ADGRB3: variants seen among roughly 807,000 people sequenced by gnomAD.
ADGRB3 encodes the protein brain-specific angiogenesis inhibitor 3.
ADGRB3 carries 37 observed loss-of-function variants against 193.4 expected under a neutral mutation model. That is an observed-to-expected ratio of 0.19 (90% CI 0.15 to 0.25). The LOEUF (loss-of-function observed/expected upper bound fraction) is 0.25, where lower values mean the gene tolerates loss of function less well. ADGRB3 is among the 10% of genes least tolerant of loss of function. The probability of loss-of-function intolerance (pLI) is 1.00; values close to 1 mark genes in which losing one functional copy is unlikely to be tolerated. For missense variants in ADGRB3, 1,637 were observed against 1,852.9 expected, an observed-to-expected ratio of 0.88 and a Z score of 2.14; for synonymous variants, 690 against 644.2, an observed-to-expected ratio of 1.07 and a Z score of -1.08.
intron 28 of ADGRB3, among the ~76,000 whole-genome samples, chr6:69,358,228 T>A (rs1017718344): frequency 6.6e-6 from 1 of 151,914 alleles, no homozygotes; most frequent in Non-Finnish European, 1.5e-5. Context: ...TGAGAACTTA[T>A]TAGAAATGCA....
At chr6:68,841,200 A>G (rs911815267) in intron 3 of ADGRB3, among the ~76,000 whole-genome samples, 5 of 152,216 alleles carry the variant, frequency 3.3e-5, no homozygotes, top group African/African-American at 1.2e-4. Flanking sequence ...TCATCCAGTC[A>G]GGAAATTAAT....
Position 68,970,303 on chromosome 6 carries a change from T to A in ADGRB3, c.1526-4460T>A, listed in dbSNP as rs75560126. ...CTTTTCTTCTTTCTTTTTTTTTTTT[T>A]AAATGGAATCTTGATCTGTCACCCA... On this transcript the variant is annotated intron_variant, in intron 8 of 31. Coordinates refer to ENST00000370598, the MANE Select transcript of ADGRB3 (RefSeq NM_001704.3). Among the ~76,000 whole-genome samples the A allele has an allele frequency of 4.6e-5, 7 of 151,478 alleles. No individual in the cohort carries two copies. In the East Asian group the frequency reaches 5.8e-4, roughly 13 times the overall value.
At chr6:68,695,058 T>G (rs1765135181) in intron 3 of ADGRB3, among the ~76,000 whole-genome samples, 1 of 152,064 alleles carries the variant, frequency 6.6e-6, no homozygotes, top group Admixed American at 6.6e-5. Flanking sequence ...ATGTGGCAAC[T>G]GAGCACCTGA....
chr6:68,880,690 G>A (rs1181747894), intron 3 of ADGRB3, among the ~76,000 whole-genome samples: 1 of 152,138 alleles, frequency 6.6e-6, no homozygotes, highest in Non-Finnish European at 1.5e-5. Context: ...ATTGAACTTT[G>A]CAATTCAAAT....
At chr6:68,945,114 A>G (rs938023985) in intron 6 of ADGRB3, among the ~76,000 whole-genome samples, 1 of 152,180 alleles carries the variant, frequency 6.6e-6, no homozygotes, top group African/African-American at 2.4e-5. Flanking sequence ...ATGAAAAACA[A>G]TCCAATGTGT....
chr6:68,830,970 A>C (rs2127383790), intron 3 of ADGRB3, among the ~76,000 whole-genome samples: 1 of 148,832 alleles, frequency 6.7e-6, no homozygotes, highest in South Asian at 2.1e-4. Flanking sequence ...AAAAAAAAAG[A>C]GAATGCTGAA....
chr6:69,347,218 C>G (rs1240617799), intron 26 of ADGRB3, among the ~76,000 whole-genome samples: 1 of 151,750 alleles, frequency 6.6e-6, no homozygotes, highest in Non-Finnish European at 1.5e-5. Context: ...GAGGTGGGGG[C>G]CTAGGGGAGG....
rs1184412275 is a variant in ADGRB3 at position 69,062,918 on chromosome 6, A to G, written c.2334-16A>G. 1 of 1,565,638 alleles carries G rather than the reference A, an allele frequency of 6.4e-7. No individual in the cohort carries two copies. Among genetic ancestry groups the G allele is most frequent in the South Asian group, 1.1e-5 (1 of 89,810 alleles). ...AGCACTCATTTCTCCTTTTAATTAT[A>G]ATTACTCTGTTGCAGAAATTATACT... is the stretch of plus-strand genomic sequence containing the variant. On this transcript the variant is annotated splice_polypyrimidine_tract_variant and intron_variant, in intron 15 of 31. Transcript: ENST00000370598.
At chr6:69,161,127 T>C (rs534827113) in intron 17 of ADGRB3, among the ~76,000 whole-genome samples, 109 of 152,228 alleles carry the variant, frequency 7.2e-4, no homozygotes, top group African/African-American at 2.6e-3. Context: ...TCTTGTAAGA[T>C]AATACATAAA....
intron 3 of ADGRB3, among the ~76,000 whole-genome samples, chr6:68,731,244 T>C (rs1161604883): frequency 2.0e-5 from 3 of 151,668 alleles, no homozygotes; most frequent in African/African-American, 7.2e-5. Context: ...CCTATAGATA[T>C]CTTAATCCTC....
chr6:69,164,970 C>G (rs956222409), intron 17 of ADGRB3, among the ~76,000 whole-genome samples: 1 of 151,922 alleles, frequency 6.6e-6, no homozygotes, highest in Non-Finnish European at 1.5e-5. Context: ...AGACATTATC[C>G]TCTTTCTATG....
chr6:69,382,987 T>C (rs1368989139), intron 31 of ADGRB3, 52 bp downstream of exon 31: 1 of 1,282,442 alleles, frequency 7.8e-7, no homozygotes, highest in Non-Finnish European at 1.1e-6. Context: ...ATGTCAGATA[T>C]TATTCCTGCC....
chr6:69,074,837 G>A (rs887312874), intron 16 of ADGRB3, among the ~76,000 whole-genome samples: 5 of 152,068 alleles, frequency 3.3e-5, no homozygotes, highest in South Asian at 4.1e-4. Context: ...GAGCCACTGC[G>A]CCCGGCCTCA....
intron 26 of ADGRB3, among the ~76,000 whole-genome samples, chr6:69,345,908 C>G (rs1476391129): frequency 6.6e-6 from 1 of 152,176 alleles, no homozygotes; most frequent in Non-Finnish European, 1.5e-5. Flanking sequence ...TCAGCAAAGT[C>G]TCTAGATACA....
intron 3 of ADGRB3, among the ~76,000 whole-genome samples, chr6:68,912,251 T>TC (rs1766735073): frequency 1.3e-5 from 2 of 151,880 alleles, no homozygotes; most frequent in African/African-American, 4.8e-5. Context: ...AATTACTGAT[T>TC]TTTTTTTCTG....
intron 17 of ADGRB3, among the ~76,000 whole-genome samples, chr6:69,206,686 AAG>A (rs1250157735): frequency 6.6e-6 from 1 of 152,210 alleles, no homozygotes; most frequent in African/African-American, 2.4e-5. Context: ...TAAAAAAGAA[AAG>A]AAATTAAATG....
chr6:69,359,825 G>T (rs899444183), intron 28 of ADGRB3, among the ~76,000 whole-genome samples: 6 of 151,784 alleles, frequency 4.0e-5, no homozygotes, highest in African/African-American at 1.4e-4. Flanking sequence ...TTCGCACAGC[G>T]CTATTCTGTG....
At chr6:69,310,264 T>A (rs1482109632) in intron 20 of ADGRB3, among the ~76,000 whole-genome samples, 3 of 151,740 alleles carry the variant, frequency 2.0e-5, no homozygotes, top group Non-Finnish European at 4.4e-5. Flanking sequence ...ATGCATGACA[T>A]TTCATACTGA....
intron 16 of ADGRB3, among the ~76,000 whole-genome samples, chr6:69,066,815 A>G (rs1346498778): frequency 6.6e-6 from 1 of 152,146 alleles, no homozygotes; most frequent in Non-Finnish European, 1.5e-5. Context: ...TCAAATTTTT[A>G]GATCCTATAA....
Sources: allele counts gnomAD v4.1 joint callset (sites outside exome capture counted in the v4.1 genomes callset), GRCh38; gene constraint gnomAD v4.1.1; transcripts MANE v1.5; gene names NCBI Gene and HGNC (gene_info 2026-07-23, HGNC 2026-07-21).